The following LIN28B variants were observed in gnomAD, a reference collection of about 807,000 sequenced individuals.
The protein encoded by LIN28B is protein lin-28 homolog B.
Under a neutral mutation model 21.9 loss-of-function variants are expected in LIN28B, and 5 were observed. The observed-to-expected ratio is 0.23, with a 90% CI of 0.12 to 0.48. LIN28B has a LOEUF of 0.48. Among genes scored for constraint, LIN28B ranks in the 20% least tolerant of loss-of-function variants. LIN28B has a pLI of 0.98. For synonymous variants in LIN28B, 109 were observed against 111.3 expected, an observed-to-expected ratio of 0.98 and a Z score of 0.13; for missense variants, 245 against 310.5, an observed-to-expected ratio of 0.79 and a Z score of 1.58.
At chr6:105,021,492 A>G (rs76964000) in intron 2 of LIN28B, among the ~76,000 whole-genome samples, 16,114 of 152,200 alleles carry the variant, frequency 0.11, 901 homozygotes, top group African/African-American at 0.14. Flanking sequence ...CCAACAGTGT[A>G]TAAGAGTTCT....
At chr6:104,991,272 TGGAGG>T (rs2114269030) in intron 2 of LIN28B, among the ~76,000 whole-genome samples, 2 of 146,540 alleles carry the variant, frequency 1.4e-5, no homozygotes, top group African/African-American at 5.1e-5. Context: ...GGCTGCCGGG[TGGAGG>T]GGCGCCTCAC....
intron 2 of LIN28B, among the ~76,000 whole-genome samples, chr6:105,011,837 T>TC (rs1476515534): frequency 6.6e-6 from 1 of 151,600 alleles, no homozygotes; most frequent in Non-Finnish European, 1.5e-5. Flanking sequence ...AGAGTGAGAC[T>TC]CCGTCTCTCC....
intron 3 of LIN28B, among the ~76,000 whole-genome samples, chr6:105,056,016 C>T (rs1287294464): frequency 6.6e-6 from 1 of 151,278 alleles, no homozygotes; most frequent in African/African-American, 2.4e-5. Context: ...CCACCTTGGC[C>T]TCCCAAGGTG....
intron 3 of LIN28B, among the ~76,000 whole-genome samples, chr6:105,063,651 A>AAAT (rs1554191042): frequency 2.0e-5 from 3 of 148,230 alleles, no homozygotes; most frequent in South Asian, 4.3e-4. Context: ...GGGGGGGGAA[A>AAAT]AAAAGGTAAA....
At chr6:104,958,720 C>T (rs1037575342) in intron 2 of LIN28B, among the ~76,000 whole-genome samples, 1 of 152,158 alleles carries the variant, frequency 6.6e-6, no homozygotes, top group African/African-American at 2.4e-5. Flanking sequence ...ATTTTAGACA[C>T]CTCTAGTCAC....
rs1424482850 is a variant in LIN28B, at chr6:104,937,280, C to T, written c.18+164C>T. On this transcript the variant is annotated intron_variant, in intron 2 of 5. Coordinates refer to the LIN28B transcript ENST00000635857. ...TCCCCAAAAGCCGCAACCGCGGGCGCGCGCCACCACGCCCAGCTAGTATTT... is the reference window on the plus strand; with the variant it reads ...TCCCCAAAAGCCGCAACCGCGGGCGTGCGCCACCACGCCCAGCTAGTATTT... Among the ~76,000 whole-genome samples the T allele has an allele frequency of 4.6e-5, 7 of 151,848 alleles. No homozygotes were observed. The East Asian group carries it at 7.8e-4, about 17-fold the overall frequency.
At chr6:105,037,564 G>T (rs1771546398) in intron 3 of LIN28B, among the ~76,000 whole-genome samples, 1 of 138,788 alleles carries the variant, frequency 7.2e-6, no homozygotes, top group Non-Finnish European at 1.5e-5. Context: ...CCAGGCTGCA[G>T]TGCAGTGGTG....
At chr6:104,945,416 G>A (rs1337105784) in intron 2 of LIN28B, among the ~76,000 whole-genome samples, 3 of 151,962 alleles carry the variant, frequency 2.0e-5, no homozygotes, top group Non-Finnish European at 4.4e-5. Flanking sequence ...CATTAATAAT[G>A]TTGTATATTA....
intron 2 of LIN28B, among the ~76,000 whole-genome samples, chr6:104,938,320 G>T (rs1157029063): frequency 6.6e-6 from 1 of 151,894 alleles, no homozygotes; most frequent in Non-Finnish European, 1.5e-5. Flanking sequence ...CTTTTATAAA[G>T]AAATTGCCAA....
At chr6:105,051,462 A>G (rs1771902100) in intron 3 of LIN28B, among the ~76,000 whole-genome samples, 1 of 151,900 alleles carries the variant, frequency 6.6e-6, no homozygotes, top group African/African-American at 2.4e-5. Flanking sequence ...AAGAAAAAGA[A>G]AGAGCCACGA....
At chr6:104,973,218 G>A (rs1405706089) in intron 2 of LIN28B, among the ~76,000 whole-genome samples, 1 of 151,988 alleles carries the variant, frequency 6.6e-6, no homozygotes, top group African/African-American at 2.4e-5. Flanking sequence ...TCTGGTCACT[G>A]TTAAGCCATT....
At chr6:105,048,111 A>T (rs1771808921) in intron 3 of LIN28B, among the ~76,000 whole-genome samples, 1 of 152,198 alleles carries the variant, frequency 6.6e-6, no homozygotes, top group Non-Finnish European at 1.5e-5. Flanking sequence ...TTCAAAGGGA[A>T]TGCTTCCAGT....
intron 3 of LIN28B, among the ~76,000 whole-genome samples, chr6:105,046,345 C>T (rs1771761570): frequency 6.6e-6 from 1 of 152,222 alleles, no homozygotes; most frequent in Non-Finnish European, 1.5e-5. Flanking sequence ...AGGACATGAA[C>T]TCATCCTTTT....
rs1772552067 is a variant in LIN28B, at chr6:105,082,104, G to C, written c.*3321G>C. On this transcript the variant is annotated 3_prime_UTR_variant, in exon 4 of 4. Coordinates refer to ENST00000345080, the MANE Select transcript of LIN28B (RefSeq NM_001004317.4). ...TAAGCTGATCTTTTGCTACATGGCA[G>C]ACTATAATGAAAACATTTTTATACT... The C allele has an allele frequency of 6.6e-6, 1 of 152,652 alleles. No individual in the cohort carries two copies. Among genetic ancestry groups the C allele is most frequent in the Non-Finnish European group, 1.5e-5 (1 of 68,042 alleles). The allele number at this position is 152,652 out of a possible 1,614,324, so 9.5% of individuals were successfully genotyped here.
intron 3 of LIN28B, among the ~76,000 whole-genome samples, chr6:105,074,741 T>C (rs1194391037): frequency 6.6e-6 from 1 of 152,234 alleles, no homozygotes; most frequent in African/African-American, 2.4e-5. Flanking sequence ...AGTCTAGCCC[T>C]GTTGCCCAGG....
intron 3 of LIN28B, among the ~76,000 whole-genome samples, chr6:105,064,377 T>C (rs1285632508): frequency 1.3e-5 from 2 of 152,140 alleles, no homozygotes; most frequent in Non-Finnish European, 2.9e-5. Context: ...ATCAGTTGAC[T>C]CTCCACTCTC....
intron 2 of LIN28B, among the ~76,000 whole-genome samples, chr6:104,960,244 G>A (rs538281202): frequency 1.3e-5 from 2 of 152,128 alleles, no homozygotes; most frequent in African/African-American, 4.8e-5. Context: ...TATATAAATT[G>A]TATGAATAAT....
At chr6:105,026,576 C>G (rs1771291848) in intron 3 of LIN28B, 94 bp downstream of exon 3, 2 of 746,940 alleles carry the variant, frequency 2.7e-6, no homozygotes. Flanking sequence ...TATTGTCTAG[C>G]CAAAGGAAAC....
At chr6:104,982,089 C>T (rs1381011170) in intron 2 of LIN28B, among the ~76,000 whole-genome samples, 2 of 151,890 alleles carry the variant, frequency 1.3e-5, no homozygotes, top group Non-Finnish European at 2.9e-5. Context: ...CTGAGGTGGG[C>T]GGATCATCAG....
Sources: allele counts gnomAD v4.1 joint callset (sites outside exome capture counted in the v4.1 genomes callset), GRCh38; gene constraint gnomAD v4.1.1; transcripts MANE v1.5; gene names NCBI Gene and HGNC (gene_info 2026-07-23, HGNC 2026-07-21).